Variants in TENM3 observed in about 807,000 individuals in gnomAD.
The protein encoded by TENM3 is teneurin-3.
Under a neutral mutation model 255.1 loss-of-function variants are expected in TENM3, and 63 were observed. The observed-to-expected ratio is 0.25, with a 90% CI of 0.20 to 0.30. TENM3 has a LOEUF of 0.30. Ranked by LOEUF, TENM3 falls within the 10% of genes least tolerant of loss-of-function variation. The probability of loss-of-function intolerance (pLI) is 1.00; values close to 1 mark genes in which losing one functional copy is unlikely to be tolerated. For missense variants in TENM3, 2,929 were observed against 3,461.1 expected, an observed-to-expected ratio of 0.85 and a Z score of 3.86; for synonymous variants, 1,306 against 1,322.3, an observed-to-expected ratio of 0.99 and a Z score of 0.27.
At chr4:181,899,568 G>GT in the TENM3 span, among the ~76,000 whole-genome samples, 5 of 151,364 alleles carry the variant, frequency 3.3e-5, no homozygotes, top group Non-Finnish European at 7.4e-5. Context: ...TTTGTTTTTT[G>GT]TTTTTTGGGG....
At chr4:182,253,776 G>C (rs1025533076) in intron 1 of TENM3, among the ~76,000 whole-genome samples, 2 of 151,804 alleles carry the variant, frequency 1.3e-5, no homozygotes, top group African/African-American at 2.4e-5. Flanking sequence ...TTGTTTAAAC[G>C]AAGTTCATAC....
intron 1 of TENM3, among the ~76,000 whole-genome samples, chr4:182,213,303 G>C (rs553301405): frequency 6.6e-6 from 1 of 152,114 alleles, no homozygotes; most frequent in East Asian, 1.9e-4. Flanking sequence ...AAAAAACAGG[G>C]GATAAAAAGC....
At chr4:181,720,839 C>T in the TENM3 span, among the ~76,000 whole-genome samples, 75 of 152,190 alleles carry the variant, frequency 4.9e-4, no homozygotes, top group African/African-American at 1.7e-3. Context: ...GGTAAGTTTT[C>T]TTGTGTGAGT....
chr4:181,822,784 G>T, the TENM3 span, among the ~76,000 whole-genome samples: 1 of 152,074 alleles, frequency 6.6e-6, no homozygotes, highest in African/African-American at 2.4e-5. Flanking sequence ...AATTTTGGAG[G>T]ATATCTTTGC....
chr4:181,609,325 T>G, the TENM3 span, among the ~76,000 whole-genome samples: 9 of 152,380 alleles, frequency 5.9e-5, no homozygotes, highest in Admixed American at 2.6e-4. Flanking sequence ...AATAAGATGC[T>G]TTTTTCATAA....
the TENM3 span, among the ~76,000 whole-genome samples, chr4:181,908,682 T>C: frequency 6.6e-6 from 1 of 152,170 alleles, no homozygotes; most frequent in Admixed American, 6.6e-5. Context: ...TATGTAAAAT[T>C]TTTATTCGCC....
At position 182,695,934 on chromosome 4, in the gene TENM3, G is replaced by A. The variant is rs138205494; in HGVS notation, c.2221+7583G>A. ...GTTTGTAGGGTATAAGTCTGTAGCA[G>A]TACTGCAGATACTGAGTTCAACAGT... is the stretch of plus-strand genomic sequence containing the variant. On this transcript the variant is annotated intron_variant, in intron 12 of 27. Transcript: ENST00000511685. 3.8e-3 allele frequency among the ~76,000 whole-genome samples: 578 copies of A among 152,278 alleles called. 1 individual carries two copies. The highest frequency in any genetic ancestry group is 0.013 in the African/African-American group (546 of 41,556).
intron 3 of TENM3, among the ~76,000 whole-genome samples, chr4:182,447,834 C>A (rs139237679): frequency 6.6e-6 from 1 of 152,128 alleles, no homozygotes; most frequent in East Asian, 1.9e-4. Context: ...TCATTCAATT[C>A]TCAGTTTAAT....
chr4:182,112,174 G>A, the TENM3 span, among the ~76,000 whole-genome samples: 5 of 152,038 alleles, frequency 3.3e-5, no homozygotes, highest in African/African-American at 1.2e-4. Flanking sequence ...AAAAATGAAT[G>A]ACTACATTTT....
At position 182,291,899 on chromosome 4, in the gene TENM3, C is replaced by A. The variant is rs1404648404; in HGVS notation, c.-75-32047C>A. Among the ~76,000 whole-genome samples, 4 of 151,922 alleles carry A rather than the reference C, an allele frequency of 2.6e-5. No homozygotes were observed. The East Asian group carries it at 5.8e-4, about 22-fold the overall frequency. ...TGTGTAGGGCTGGGAGGGAGGCAGGCAGACTCCAACCATGTTATGTGCGTC... is the reference window on the plus strand; with the variant it reads ...TGTGTAGGGCTGGGAGGGAGGCAGGAAGACTCCAACCATGTTATGTGCGTC... On this transcript the variant is annotated intron_variant, in intron 1 of 27. Coordinates refer to ENST00000511685, the MANE Select transcript of TENM3 (RefSeq NM_001080477.4).
chr4:181,702,088 C>T, the TENM3 span, among the ~76,000 whole-genome samples: 1 of 152,304 alleles, frequency 6.6e-6, no homozygotes, highest in African/African-American at 2.4e-5. Context: ...AGCCACTGAA[C>T]AGTGCACACT....
chr4:181,680,635 A>T, the TENM3 span, among the ~76,000 whole-genome samples: 1 of 152,120 alleles, frequency 6.6e-6, no homozygotes, highest in South Asian at 2.1e-4. Flanking sequence ...AAATAGAAAA[A>T]GTCTAGAGAG....
intron 3 of TENM3, chr4:182,449,056 G>C (rs1477567107): frequency 5.6e-6 from 2 of 358,656 alleles, no homozygotes; most frequent in Non-Finnish European, 5.7e-6. Context: ...GGTTCCTCAC[G>C]GCCACAGCGA....
At chr4:182,189,801 C>T (rs1403221055) in intron 1 of TENM3, among the ~76,000 whole-genome samples, 5 of 152,182 alleles carry the variant, frequency 3.3e-5, no homozygotes, top group Admixed American at 3.3e-4. Context: ...CTGGCTGGCC[C>T]ACAGTGGTGG....
the TENM3 span, among the ~76,000 whole-genome samples, chr4:182,000,082 C>T: frequency 3.9e-5 from 6 of 152,024 alleles, no homozygotes; most frequent in East Asian, 1.9e-4. Context: ...TACATTCTAG[C>T]GCTGGATTTT....
upstream of TENM3, chr4:182,144,682 T>A (rs898363273): frequency 1.4e-5 from 2 of 141,774 alleles, no homozygotes; most frequent in South Asian, 2.3e-4. Flanking sequence ...CCCGGCGCGG[T>A]GTGCGCGCGG....
intron 1 of TENM3, among the ~76,000 whole-genome samples, chr4:182,176,586 AAC>A (rs1451206251): frequency 6.6e-6 from 1 of 152,190 alleles, no homozygotes. Context: ...TATTTGTTAA[AAC>A]AGTCACCAAC....
chr4:181,834,710 C>T, the TENM3 span, among the ~76,000 whole-genome samples: 1 of 152,186 alleles, frequency 6.6e-6, no homozygotes, highest in South Asian at 2.1e-4. Context: ...AAGTCAGGCA[C>T]GTGTTTATCC....
intron 3 of TENM3, among the ~76,000 whole-genome samples, chr4:182,545,137 C>A (rs766335735): frequency 3.3e-5 from 5 of 152,058 alleles, no homozygotes; most frequent in Non-Finnish European, 7.4e-5. Context: ...TTCTAAGATG[C>A]CATCTAGTTC....
Sources: gnomAD v4.1 joint callset for allele counts (sites outside exome capture counted in the v4.1 genomes callset) on GRCh38, gnomAD v4.1.1 for gene constraint, MANE v1.5 for transcripts, NCBI Gene and HGNC (gene_info 2026-07-23, HGNC 2026-07-21) for gene names.